The following NID1 variants were observed in gnomAD, a reference collection of about 807,000 sequenced individuals.
The protein encoded by NID1 is nidogen-1.
NID1 carries 76 observed loss-of-function variants against 130.6 expected under a neutral mutation model. That is an observed-to-expected ratio of 0.58 (90% CI 0.48 to 0.70). The LOEUF (loss-of-function observed/expected upper bound fraction) is 0.70, where lower values mean the gene tolerates loss of function less well. NID1 is among the 30% of genes least tolerant of loss of function. NID1 has a pLI of 0.00. For synonymous variants in NID1, 665 were observed against 675.1 expected (o/e 0.98, Z 0.23); for missense variants, 1,517 against 1,664.8 (o/e 0.91, Z 1.54).
chr1:236,044,107 ATGGGG>A (rs968918948), intron 3 of NID1, among the ~76,000 whole-genome samples: 12 of 152,044 alleles, frequency 7.9e-5, no homozygotes, highest in African/African-American at 2.9e-4. Flanking sequence ...GAGCAAAACA[ATGGGG>A]TGGGGTGGGG....
rs545333086 is a variant in NID1, at chr1:236,040,786, C to G, written c.1135+1124G>C. The stretch of plus-strand genomic sequence containing the variant: ...TCGAGCGATTCTCTGGCCTCAGCCT[C>G]CAGATTGGCTGGGATTACAGATGCC... On this transcript the variant is annotated intron_variant, in intron 4 of 19. Coordinates refer to ENST00000264187, the MANE Select transcript of NID1 (RefSeq NM_002508.3). Among the ~76,000 whole-genome samples the G allele has an allele frequency of 2.3e-4, 35 of 152,030 alleles. 1 individual carries two copies. The highest frequency in any genetic ancestry group is 2.0e-3 in the Admixed American group (30 of 15,272).
rs1245201478 is a variant in NID1 at position 236,042,109 on chromosome 1, G to C, written c.936C>G (p.Pro312=). The change falls in exon 4 of 20, where the codon CCC becomes CCG. Residue 312 remains proline, a synonymous_variant. Transcript: ENST00000264187. ...RLGLEDVGTT[P]FSYKALRRGG... The stretch of plus-strand genomic sequence containing the variant: ...CCCTTCTCAGAGCCTTGTAGGAGAA[G>C]GGCGTGGTGCCCACATCCTCCAGGC... 1 of 1,614,174 alleles carries C rather than the reference G, an allele frequency of 6.2e-7. No individual in the cohort carries two copies. The highest frequency in any genetic ancestry group is 2.2e-5 in the East Asian group (1 of 44,882).
Position 236,032,495 on chromosome 1 carries a change from T to C in NID1, c.1443A>G (p.Gly481=), listed in dbSNP as rs745519615. Residue 481 remains glycine (G), a synonymous_variant, in exon 6 of 20, where the codon GGA becomes GGG. Transcript: ENST00000264187. ...CTGGGGCCAGTGGAAGCAGAGAATATCCAACGGTCTCGGGAATGGTGCTGA... is the reference window on the plus strand; with the variant it reads ...CTGGGGCCAGTGGAAGCAGAGAATACCCAACGGTCTCGGGAATGGTGCTGA... ...TAISTIPETV[G]YSLLPLAPVG... 6 of 1,614,160 alleles carry C rather than the reference T, an allele frequency of 3.7e-6. No individual in the cohort carries two copies. In the East Asian group the frequency reaches 1.1e-4, roughly 30 times the overall value.
At chr1:236,027,394 A>C (rs1249123351) in intron 7 of NID1, among the ~76,000 whole-genome samples, 1 of 152,212 alleles carries the variant, frequency 6.6e-6, no homozygotes, top group East Asian at 1.9e-4. Context: ...AAGGCCATTC[A>C]GCTACAAGCC....
rs57769010 is a variant in NID1 at position 236,063,153 on chromosome 1, C to CAAAAAAAAAAAA, written c.225+1690_225+1701dup. Among the ~76,000 whole-genome samples, 67 of 79,684 alleles carry CAAAAAAAAAAAA rather than the reference C, an allele frequency of 8.4e-4. 1 individual carries two copies. Among genetic ancestry groups the CAAAAAAAAAAAA allele is most frequent in the African/African-American group, 3.6e-3 (57 of 15,746 alleles). The allele number at this position is 79,684 out of a possible 152,430, so 52.3% of individuals were successfully genotyped here. ...TGTGCAACAGAGTGAGACTTCATCT[C>CAAAAAAAAAAAA]AAAAAAAAAAAAAAAAAAAAAAGTA... On this transcript the variant is annotated intron_variant, in intron 1 of 19. Coordinates refer to ENST00000264187, the MANE Select transcript of NID1 (RefSeq NM_002508.3).
rs926000462 is a variant in NID1 at position 236,058,479 on chromosome 1, G to A, written c.225+6376C>T. Among the ~76,000 whole-genome samples the A allele has an allele frequency of 3.9e-5, 6 of 152,186 alleles. No individual in the cohort carries two copies. In the South Asian group the frequency reaches 1.0e-3, roughly 26 times the overall value. ...ATGGGTAACAGCTGGAACCACTTATGTACAATTGTTTCAACCCAACTGACA... is the reference window on the plus strand; with the variant it reads ...ATGGGTAACAGCTGGAACCACTTATATACAATTGTTTCAACCCAACTGACA... On this transcript the variant is annotated intron_variant, in intron 1 of 19. Coordinates refer to ENST00000264187, the MANE Select transcript of NID1 (RefSeq NM_002508.3).
At chr1:236,011,384 C>A (rs1658406730) in intron 12 of NID1, among the ~76,000 whole-genome samples, 1 of 149,458 alleles carries the variant, frequency 6.7e-6, no homozygotes, top group Non-Finnish European at 1.5e-5. Flanking sequence ...CTCACTGCAA[C>A]CTCTGCCTCC....
chr1:236,014,267 A>C (rs1021378012), intron 10 of NID1, among the ~76,000 whole-genome samples: 9 of 150,892 alleles, frequency 6.0e-5, no homozygotes, highest in African/African-American at 2.2e-4. Context: ...GGTAGGACAA[A>C]CTGAAATCAA....
At position 236,017,217 on chromosome 1, in the gene NID1, T is replaced by G. The variant is rs1480107130; in HGVS notation, c.2185A>C (p.Asn729His). 1 of 1,614,130 alleles carries G rather than the reference T, an allele frequency of 6.2e-7. No individual in the cohort carries two copies. Among genetic ancestry groups the G allele is most frequent in the South Asian group, 1.1e-5 (1 of 91,070 alleles). Residue 729 changes from asparagine (N) to histidine (H), a missense_variant, in exon 10 of 20, where the codon AAT becomes CAT. By Grantham distance (68) the Asn-to-His change is moderately conservative (BLOSUM62 1). Transcript: ENST00000264187. ...TCGCAGCGGAAGGTTCCTGGGTGAT[T>G]ATTGCAGATTGTGTGGCTCCCACAC... ...SVCGSHTICN[N>H]HPGTFRCECV...
chr1:236,040,459 T>C (rs1659418515), intron 4 of NID1, among the ~76,000 whole-genome samples: 2 of 152,062 alleles, frequency 1.3e-5, no homozygotes, highest in South Asian at 4.1e-4. Context: ...TCAGAACAAG[T>C]AAGGGCAAAT....
chr1:235,983,699 A>G (rs1027017022), intron 15 of NID1, among the ~76,000 whole-genome samples: 7 of 152,266 alleles, frequency 4.6e-5, no homozygotes, highest in African/African-American at 1.4e-4. Context: ...CCTCAACTCA[A>G]AATACTTCTT....
At chr1:235,992,133 A>G (rs1344569217) in intron 13 of NID1, among the ~76,000 whole-genome samples, 1 of 151,866 alleles carries the variant, frequency 6.6e-6, no homozygotes, top group Non-Finnish European at 1.5e-5. Context: ...TGGCCCCTCT[A>G]CTCACTCGCT....
chr1:236,037,981 T>C (rs1194147005), intron 5 of NID1, 123 bp downstream of exon 5: 4 of 1,143,522 alleles, frequency 3.5e-6, no homozygotes, highest in Non-Finnish European at 4.8e-6. Context: ...CATGTATGGC[T>C]GCCATAAGAA....
chr1:236,026,905 AT>A (rs548674897), intron 7 of NID1, among the ~76,000 whole-genome samples: 132 of 151,958 alleles, frequency 8.7e-4, no homozygotes, highest in African/African-American at 3.1e-3. Context: ...CGCTCAGCTC[AT>A]TTTTTTGTAT....
intron 12 of NID1, among the ~76,000 whole-genome samples, chr1:236,000,039 C>A (rs1397705048): frequency 1.3e-5 from 2 of 152,066 alleles, no homozygotes; most frequent in Non-Finnish European, 2.9e-5. Flanking sequence ...TGTGGTGAGA[C>A]CCCATCTCTA....
rs760345130 is a variant in NID1, at chr1:236,048,872, C to T, written c.343G>A (p.Asp115Asn). Residue 115 changes from aspartate (D) to asparagine (N), a missense_variant, in exon 2 of 20, where the codon GAT (aspartate) becomes AAT (asparagine). By Grantham distance (23) the Asp-to-Asn change is conservative (BLOSUM62 1). This residue lies in a region of NID1 where 1,329 missense variants were observed against 1,429.2 expected (regional missense o/e 0.93). Coordinates refer to ENST00000264187, the MANE Select transcript of NID1 (RefSeq NM_002508.3). ...APFLADLDTT[D>N]GLGKVYYRED... ...CGATAATAAACCTTCCCCAGGCCATCGGTCGTGTCCAAGTCCGCCAGGAAA... is the reference window on the plus strand; with the variant it reads ...CGATAATAAACCTTCCCCAGGCCATTGGTCGTGTCCAAGTCCGCCAGGAAA... 12 of 1,613,946 alleles carry T rather than the reference C, an allele frequency of 7.4e-6. No homozygotes were observed. Among genetic ancestry groups the T allele is most frequent in the African/African-American group, 2.7e-5 (2 of 74,906 alleles).
chr1:236,034,000 G>A (rs1011718047), intron 5 of NID1, among the ~76,000 whole-genome samples: 2 of 152,096 alleles, frequency 1.3e-5, no homozygotes, highest in African/African-American at 4.8e-5. Context: ...ACACAAAAAC[G>A]TGAACACAAA....
intron 5 of NID1, among the ~76,000 whole-genome samples, chr1:236,034,567 G>A (rs1001099097): frequency 1.3e-5 from 2 of 152,168 alleles, no homozygotes; most frequent in African/African-American, 4.8e-5. Context: ...GATTCTATGT[G>A]CATGAAACGT....
At chr1:236,029,937 C>T (rs751132775) in intron 6 of NID1, among the ~76,000 whole-genome samples, 187 bp from the exon 7 acceptor site, 1 of 152,098 alleles carries the variant, frequency 6.6e-6, no homozygotes, top group African/African-American at 2.4e-5. Context: ...CTGAGCCACA[C>T]GCAGAGGAGA....
Sources: gnomAD v4.1 joint callset for allele counts (sites outside exome capture counted in the v4.1 genomes callset) on GRCh38, gnomAD v4.1.1 for gene constraint, gnomAD v4.1.1 regional missense constraint, MANE v1.5 for transcripts, NCBI Gene and HGNC (gene_info 2026-07-23, HGNC 2026-07-21) for gene names.